IL1RAPL2: variants seen among roughly 807,000 people sequenced by gnomAD.
IL1RAPL2 encodes interleukin 1 receptor accessory protein like 2.
A neutral mutation model predicts 44.1 loss-of-function variants in IL1RAPL2; 3 were observed. That is an observed-to-expected ratio of 0.07 (90% CI 0.03 to 0.18). IL1RAPL2 has a LOEUF of 0.18. Ranked by LOEUF, IL1RAPL2 falls within the 10% of genes least tolerant of loss-of-function variation. The probability of loss-of-function intolerance (pLI) is 1.00; values close to 1 mark genes in which losing one functional copy is unlikely to be tolerated. For missense variants in IL1RAPL2, 391 were observed against 496.4 expected, an observed-to-expected ratio of 0.79 and a Z score of 2.02; for synonymous variants, 181 against 178.8, an observed-to-expected ratio of 1.01 and a Z score of -0.10.
intron 2 of IL1RAPL2, among the ~76,000 whole-genome samples, chrX:104,893,514 T>C (rs970605907): frequency 1.3e-4 from 14 of 111,982 alleles, no homozygotes; most frequent in African/African-American, 4.6e-4. Context: ...GCTCTTCTTG[T>C]TGAATTGATC....
chrX:104,909,657 G>C (rs763622013), intron 2 of IL1RAPL2, among the ~76,000 whole-genome samples: 2 of 111,904 alleles, frequency 1.8e-5, no homozygotes. Context: ...TAGGCTGCTC[G>C]GGGGTCAGGG....
At chrX:105,443,170 A>C (rs2035932295) in intron 5 of IL1RAPL2, among the ~76,000 whole-genome samples, 1 of 112,073 alleles carries the variant, frequency 8.9e-6, no homozygotes, top group South Asian at 3.7e-4. Flanking sequence ...TGGATTGATA[A>C]TTTAAGTTTC....
chrX:105,419,583 A>C (rs2147744858), intron 5 of IL1RAPL2, among the ~76,000 whole-genome samples: 1 of 112,388 alleles, frequency 8.9e-6, no homozygotes, highest in Admixed American at 9.5e-5. Context: ...GATCACAAAC[A>C]CATCCGCATG....
intron 4 of IL1RAPL2, among the ~76,000 whole-genome samples, chrX:105,261,478 TTTTG>T (rs369041202): frequency 0.087 from 9,599 of 110,507 alleles, 1,154 homozygotes; most frequent in African/African-American, 0.31. Context: ...CAGGCTGTTT[TTTTG>T]TTTGTTTGTT....
intron 5 of IL1RAPL2, among the ~76,000 whole-genome samples, chrX:105,272,689 G>T (rs975016027): frequency 8.9e-6 from 1 of 112,660 alleles, no homozygotes; most frequent in Admixed American, 9.4e-5. Flanking sequence ...TGGATATAAA[G>T]CTTGGGGTAA....
At chrX:105,678,332 T>C (rs1413213144) in intron 6 of IL1RAPL2, among the ~76,000 whole-genome samples, 1 of 112,378 alleles carries the variant, frequency 8.9e-6, no homozygotes, top group African/African-American at 3.2e-5. Flanking sequence ...TCGAGCATAT[T>C]TCCTTTGTGT....
intron 2 of IL1RAPL2, among the ~76,000 whole-genome samples, chrX:104,767,134 C>G (rs1282969560): frequency 2.7e-5 from 3 of 111,851 alleles, no homozygotes; most frequent in Non-Finnish European, 5.6e-5. Context: ...GAAATTAGAA[C>G]CAGTGAGTTT....
intron 6 of IL1RAPL2, among the ~76,000 whole-genome samples, chrX:105,639,401 A>T (rs1224841379): frequency 1.8e-5 from 2 of 111,447 alleles, no homozygotes; most frequent in African/African-American, 3.3e-5. Context: ...CTCTCGTGAA[A>T]TCAGGCACAA....
intron 2 of IL1RAPL2, among the ~76,000 whole-genome samples, chrX:104,711,811 T>C (rs1931462662): frequency 9.0e-6 from 1 of 111,010 alleles, no homozygotes; most frequent in Admixed American, 9.6e-5. Flanking sequence ...TATTAAAATC[T>C]CTAGAATAAA....
chrX:105,728,267 T>C (rs1018441007), intron 7 of IL1RAPL2, among the ~76,000 whole-genome samples: 3 of 111,954 alleles, frequency 2.7e-5, no homozygotes, highest in African/African-American at 9.7e-5. Context: ...TTTCAATAGT[T>C]GAAACCACAC....
In IL1RAPL2 at chrX:104,750,218, C is replaced by T. The variant is rs939948794; in HGVS notation, c.82+91223C>T. Reference sequence around the variant, plus strand: ...TTGAGATGGTAGTTCTTTTAATAGCCATGATGTCATTGAGATAAAACTTAG... The same window carrying T: ...TTGAGATGGTAGTTCTTTTAATAGCTATGATGTCATTGAGATAAAACTTAG... On this transcript the variant is annotated intron_variant, in intron 2 of 10. Coordinates refer to ENST00000372582, the MANE Select transcript of IL1RAPL2 (RefSeq NM_017416.2). Among the ~76,000 whole-genome samples, 5 of 111,079 alleles carry T rather than the reference C, an allele frequency of 4.5e-5. No individual in the cohort carries two copies. In the Admixed American group the frequency reaches 4.8e-4, roughly 11 times the overall value.
At chrX:105,129,266 C>G (rs970169617) in intron 2 of IL1RAPL2, among the ~76,000 whole-genome samples, 8 of 110,322 alleles carry the variant, frequency 7.3e-5, no homozygotes, top group African/African-American at 2.6e-4. Flanking sequence ...TAGAGGGAAA[C>G]TTCTTGCTGA....
chrX:105,383,997 T>C lies in IL1RAPL2; in HGVS notation c.698-100316T>C, dbSNP rs1340179739. On this transcript the variant is annotated intron_variant, in intron 5 of 10. Coordinates refer to ENST00000372582, the MANE Select transcript of IL1RAPL2 (RefSeq NM_017416.2). ...TATTGAGTTGCTCGAGTCCTTTATA[T>C]AGTCTGATTATTAATTCCTATTCAG... Among the ~76,000 whole-genome samples, 3 of 112,123 alleles carry C rather than the reference T, an allele frequency of 2.7e-5. No individual in the cohort carries two copies. The Admixed American group carries it at 2.9e-4, about 11-fold the overall frequency.
At chrX:105,297,127 T>C (rs997333489) in intron 5 of IL1RAPL2, among the ~76,000 whole-genome samples, 4 of 111,540 alleles carry the variant, frequency 3.6e-5, no homozygotes, top group Non-Finnish European at 7.5e-5. Flanking sequence ...CTGTATGAGG[T>C]GAAAGATTTG....
chrX:105,593,082 G>T lies in IL1RAPL2; in HGVS notation c.772+108695G>T, dbSNP rs187843328. 5.6e-3 allele frequency among the ~76,000 whole-genome samples: 626 copies of T among 111,432 alleles called. 9 individuals carry two copies. Among genetic ancestry groups the T allele is most frequent in the African/African-American group, 0.019 (588 of 30,704 alleles). ...AGGGATGCCAACAATTCGTAGATTTGGCCTCTTTATATAATCTGATGTTTA... is the reference window on the plus strand; with the variant it reads ...AGGGATGCCAACAATTCGTAGATTTTGCCTCTTTATATAATCTGATGTTTA... On this transcript the variant is annotated intron_variant, in intron 6 of 10. Transcript: ENST00000372582.
chrX:104,712,117 T>C (rs1252688886), intron 2 of IL1RAPL2, among the ~76,000 whole-genome samples: 1 of 111,206 alleles, frequency 9.0e-6, no homozygotes, highest in Non-Finnish European at 1.9e-5. Flanking sequence ...CCAGATAGTG[T>C]GGCCACAAGT....
intron 5 of IL1RAPL2, among the ~76,000 whole-genome samples, chrX:105,462,721 A>C (rs1165141550): frequency 9.0e-6 from 1 of 111,233 alleles, no homozygotes; most frequent in Non-Finnish European, 1.9e-5. Flanking sequence ...TGTGAAAGGC[A>C]ACCCAGTTGT....
chrX:104,889,803 AC>A (rs1242943094), intron 2 of IL1RAPL2, among the ~76,000 whole-genome samples: 1 of 86,565 alleles, frequency 1.2e-5, no homozygotes, highest in East Asian at 4.0e-4. Context: ...TCCCAAATAG[AC>A]TTTTTTTTAT....
At chrX:104,609,965 G>C (rs1167194469) in intron 1 of IL1RAPL2, among the ~76,000 whole-genome samples, 2 of 111,879 alleles carry the variant, frequency 1.8e-5, no homozygotes, top group Non-Finnish European at 3.8e-5. Flanking sequence ...ATTTTGTGCT[G>C]GTTTCTCCCC....
Sources: gnomAD v4.1 joint callset for allele counts (sites outside exome capture counted in the v4.1 genomes callset) on GRCh38, gnomAD v4.1.1 for gene constraint, MANE v1.5 for transcripts, NCBI Gene and HGNC (gene_info 2026-07-23, HGNC 2026-07-21) for gene names.